The following GLB1L2 variants were observed in gnomAD, a reference collection of about 807,000 sequenced individuals.
The protein encoded by GLB1L2 is galactosidase beta 1 like 2, also known as beta-galactosidase-1-like protein 2.
GLB1L2 carries 68 observed loss-of-function variants against 84.1 expected under a neutral mutation model. The observed-to-expected ratio is 0.81, with a 90% CI of 0.67 to 0.99. The LOEUF is 0.99. GLB1L2 is among the 50% of genes least tolerant of loss of function. The pLI, the probability that GLB1L2 is intolerant of heterozygous loss-of-function variation, is 0.00. For missense variants in GLB1L2, 762 were observed against 805.6 expected (o/e 0.95, Z 0.66); for synonymous variants, 290 against 318.0 (o/e 0.91, Z 0.94).
chr11:134,342,563 C>G (rs1371725048), intron 1 of GLB1L2, among the ~76,000 whole-genome samples, 191 bp from the exon 2 acceptor site: 2 of 152,222 alleles, frequency 1.3e-5, no homozygotes, highest in Non-Finnish European at 2.9e-5. Flanking sequence ...GCCTGCCCTT[C>G]CCCTGCCGCG....
At chr11:134,365,417 C>T (rs117352077) in intron 8 of GLB1L2, among the ~76,000 whole-genome samples, 1 of 152,308 alleles carries the variant, frequency 6.6e-6, no homozygotes, top group Non-Finnish European at 1.5e-5. Context: ...TGGGGGGTGC[C>T]TCTCATACTT....
intron 14 of GLB1L2, 92 bp from the exon 15 acceptor site, chr11:134,371,660 C>A (rs1943953622): frequency 7.7e-7 from 1 of 1,296,070 alleles, no homozygotes. Context: ...CTCCCATCCC[C>A]AGAGCGTAGG....
intron 5 of GLB1L2, among the ~76,000 whole-genome samples, chr11:134,352,649 C>CTTTTTTTTTTTTTTTTTTTTTTTTTT (rs543898112): frequency 7.5e-6 from 1 of 133,418 alleles, no homozygotes. Context: ...AATATGTCTT[C>CTTTTTTTTTTTTTTTTTTTTTTTTTT]TTTTTTTTTT....
chr11:134,344,334 G>A, intron 2 of GLB1L2, 53 bp from the exon 3 acceptor site: 3 of 1,601,754 alleles, frequency 1.9e-6, no homozygotes, highest in East Asian at 2.2e-5. Flanking sequence ...AATGTGAGAG[G>A]TGAAATGGAA....
At chr11:134,357,403 C>T (rs988975570) in intron 6 of GLB1L2, among the ~76,000 whole-genome samples, 1 of 152,252 alleles carries the variant, frequency 6.6e-6, no homozygotes, top group African/African-American at 2.4e-5. Context: ...GGGTGGCATT[C>T]CTCAAGCTGG....
chr11:134,373,483 T>C (rs561729506), intron 15 of GLB1L2, among the ~76,000 whole-genome samples: 2 of 152,310 alleles, frequency 1.3e-5, no homozygotes, highest in African/African-American at 4.8e-5. Flanking sequence ...ATCCTTCCCA[T>C]GGCAAATCTT....
chr11:134,355,228 T>A (rs1158641569), intron 5 of GLB1L2, among the ~76,000 whole-genome samples: 2 of 152,224 alleles, frequency 1.3e-5, no homozygotes, highest in East Asian at 3.9e-4. Context: ...TCTCTTTTTC[T>A]TCATATATCA....
At chr11:134,365,551 C>T (rs1470971958) in intron 8 of GLB1L2, among the ~76,000 whole-genome samples, 2 of 152,334 alleles carry the variant, frequency 1.3e-5, no homozygotes, top group African/African-American at 4.8e-5. Flanking sequence ...ATGGTGTCAA[C>T]TCACAGGGTT....
chr11:134,362,082 G>A (rs1358757428), intron 7 of GLB1L2, among the ~76,000 whole-genome samples: 3 of 152,196 alleles, frequency 2.0e-5, no homozygotes, highest in African/African-American at 7.2e-5. Context: ...TTGTGTTTGT[G>A]TATTGGGTGC....
At chr11:134,363,652 G>T (rs541393784) in intron 7 of GLB1L2, among the ~76,000 whole-genome samples, 1 of 152,326 alleles carries the variant, frequency 6.6e-6, no homozygotes, top group South Asian at 2.1e-4. Context: ...AATCAGAGAG[G>T]AATCTTTGTT....
chr11:134,345,531 T>C (rs769033980), intron 4 of GLB1L2, among the ~76,000 whole-genome samples: 8 of 152,180 alleles, frequency 5.3e-5, no homozygotes, highest in Non-Finnish European at 1.0e-4. Flanking sequence ...AGTGCAGTGG[T>C]GTGATCTTGG....
At chr11:134,347,265 T>C in intron 4 of GLB1L2, 60 bp from the exon 5 acceptor site, 2 of 1,277,252 alleles carry the variant, frequency 1.6e-6, no homozygotes, top group South Asian at 2.4e-5. Context: ...ATCAACAGCC[T>C]GCTCACAGCA....
intron 2 of GLB1L2, 64 bp downstream of exon 2, chr11:134,343,015 G>A: frequency 1.3e-6 from 2 of 1,517,778 alleles, no homozygotes; most frequent in South Asian, 1.3e-5. Flanking sequence ...GTCTGCATGC[G>A]AAAAAATATA....
chr11:134,371,571 CTGGGAGACCCG>C, intron 14 of GLB1L2, 79 bp downstream of exon 14: 1 of 1,057,146 alleles, frequency 9.5e-7, no homozygotes, highest in Non-Finnish European at 1.5e-6. Context: ...TGAGGAAAAC[CTGGGAGACCCG>C]TGGCTCCTTA....
In GLB1L2 at chr11:134,365,339, C is replaced by A. The variant is rs115295209; in HGVS notation, c.804+941C>A. On this transcript the variant is annotated intron_variant, in intron 8 of 18. Coordinates refer to ENST00000535456, the MANE Select transcript of GLB1L2 (RefSeq NM_001370461.1). The stretch of plus-strand genomic sequence containing the variant: ...AGGCTCCTGTGACGCAGATCAGGCG[C>A]GATCCAGCTGGGTCTCTGCCTTCCT... Among the ~76,000 whole-genome samples, 319 of 152,320 alleles carry A rather than the reference C, an allele frequency of 2.1e-3. 1 individual carries two copies. Among genetic ancestry groups the A allele is most frequent in the African/African-American group, 7.1e-3 (295 of 41,566 alleles).
At chr11:134,335,782 C>A (rs997423342) in intron 1 of GLB1L2, among the ~76,000 whole-genome samples, 1 of 152,008 alleles carries the variant, frequency 6.6e-6, no homozygotes, top group African/African-American at 2.4e-5. Flanking sequence ...CAGAGTTCCA[C>A]GAGGTCATGT....
chr11:134,342,488 C>T (rs1258545979), intron 1 of GLB1L2, among the ~76,000 whole-genome samples: 1 of 152,108 alleles, frequency 6.6e-6, no homozygotes, highest in Non-Finnish European at 1.5e-5. Flanking sequence ...TGACGGCTGC[C>T]GTCTCTCCTT....
Position 134,371,746 on chromosome 11 carries a change from C to T in GLB1L2, c.1429-6C>T, listed in dbSNP as rs573485465. The T allele has an allele frequency of 2.4e-5, 39 of 1,613,896 alleles. No homozygotes were observed. In the Middle Eastern group the frequency reaches 8.4e-4, roughly 35 times the overall value. On this transcript the variant is annotated splice_region_variant and splice_polypyrimidine_tract_variant and intron_variant, in intron 14 of 18. Coordinates refer to ENST00000535456, the MANE Select transcript of GLB1L2 (RefSeq NM_001370461.1). ...ACAGTCATCGTTAGCCCCGTGTTCC[C>T]GGCAGGGTTACACCGTGCTGAGGAT... is the stretch of plus-strand genomic sequence containing the variant.
intron 10 of GLB1L2, among the ~76,000 whole-genome samples, chr11:134,369,179 G>T (rs1244713311): frequency 6.6e-6 from 1 of 152,198 alleles, no homozygotes; most frequent in Admixed American, 6.5e-5. Flanking sequence ...GCCATGCTGT[G>T]ATCATGGACA....
Sources: allele counts gnomAD v4.1 joint callset (sites outside exome capture counted in the v4.1 genomes callset), GRCh38; gene constraint gnomAD v4.1.1; transcripts MANE v1.5; gene names NCBI Gene and HGNC (gene_info 2026-07-23, HGNC 2026-07-21).